Variants in KIF13B observed in about 807,000 individuals in gnomAD.
The protein encoded by KIF13B is kinesin-like protein KIF13B.
Under a neutral mutation model 222.0 loss-of-function variants are expected in KIF13B, and 127 were observed. The ratio of observed to expected loss-of-function variants is 0.57; its 90% confidence interval spans 0.50 to 0.66. The LOEUF is 0.66. Among genes scored for constraint, KIF13B ranks in the 30% least tolerant of loss-of-function variants. KIF13B has a pLI of 0.00. For synonymous variants in KIF13B, 976 were observed against 919.0 expected (o/e 1.06, Z -1.12); for missense variants, 2,173 against 2,379.0 (o/e 0.91, Z 1.80).
At position 29,122,644 on chromosome 8, in the gene KIF13B, G is replaced by T. The variant is rs1370900636; in HGVS notation, c.3482C>A (p.Thr1161Asn). The change falls in exon 29 of 40, where the codon ACC (threonine) becomes AAC (asparagine). Residue 1161 changes from threonine (T) to asparagine (N), a missense_variant and splice_region_variant. Thr to Asn is a moderately conservative substitution (Grantham distance 65). Coordinates refer to ENST00000524189, the MANE Select transcript of KIF13B (RefSeq NM_015254.4). Reference sequence around the variant, plus strand: ...GTGTGTCTCCATCCCAGGTACTGGGGTCCTAAAACGGGAAGAACAAATGGC... The same window carrying T: ...GTGTGTCTCCATCCCAGGTACTGGGTTCCTAAAACGGGAAGAACAAATGGC... ...SGIPGAPAEW[T>N]PVPGMETHIP... 2 of 1,606,066 alleles carry T rather than the reference G, an allele frequency of 1.2e-6. No individual in the cohort carries two copies. Among genetic ancestry groups the T allele is most frequent in the Non-Finnish European group, 8.5e-7 (1 of 1,175,850 alleles).
intron 21 of KIF13B, 135 bp from the exon 22 acceptor site, chr8:29,134,345 T>C (rs1266846030): frequency 2.7e-6 from 2 of 744,832 alleles, no homozygotes; most frequent in Non-Finnish European, 4.5e-6. Context: ...CCATTCACCC[T>C]GAGACTGGAC....
intron 30 of KIF13B, among the ~76,000 whole-genome samples, chr8:29,117,847 A>C (rs534504210): frequency 6.6e-6 from 1 of 152,320 alleles, no homozygotes; most frequent in Non-Finnish European, 1.5e-5. Context: ...CACTGCTTTC[A>C]CCTATTCTTT....
chr8:29,102,006 C>T (rs749278791), intron 35 of KIF13B, among the ~76,000 whole-genome samples: 6 of 151,700 alleles, frequency 4.0e-5, no homozygotes, highest in African/African-American at 1.2e-4. Context: ...CCAGGGACAA[C>T]GCAATGACTA....
chr8:29,248,219 T>C (rs1816122025), intron 1 of KIF13B, among the ~76,000 whole-genome samples: 2 of 152,116 alleles, frequency 1.3e-5, no homozygotes. Flanking sequence ...AACACAAAAC[T>C]TGTACACAAA....
chr8:29,155,813 A>G lies in KIF13B; in HGVS notation c.1448T>C (p.Leu483Pro), dbSNP rs769151121. ...IGSANSQDIQLCGMGILPEHC... is the reference protein window; with the variant it reads ...IGSANSQDIQPCGMGILPEHC... Reference sequence around the variant, plus strand: ...TTCAGGAAGAATTCCCATGCCGCACAGTTGGATATCTTGGGAATTTGCTGA... The same window carrying G: ...TTCAGGAAGAATTCCCATGCCGCACGGTTGGATATCTTGGGAATTTGCTGA... Residue 483 changes from leucine (L) to proline (P), a missense_variant, in exon 14 of 40, where the codon CTG becomes CCG. Transcript: ENST00000524189. 1 of 1,590,736 alleles carries G rather than the reference A, an allele frequency of 6.3e-7. No homozygotes were observed. The highest frequency in any genetic ancestry group is 8.6e-7 in the Non-Finnish European group (1 of 1,167,104).
chr8:29,161,791 A>G (rs183823722), intron 12 of KIF13B, among the ~76,000 whole-genome samples: 3 of 150,764 alleles, frequency 2.0e-5, no homozygotes, highest in Non-Finnish European at 4.4e-5. Context: ...TCTTTTTTCT[A>G]TCTGGAGCAG....
chr8:29,133,449 C>T (rs891711809), intron 22 of KIF13B, among the ~76,000 whole-genome samples: 36 of 151,930 alleles, frequency 2.4e-4, no homozygotes, highest in Admixed American at 2.0e-3. Context: ...AAATTAGCTG[C>T]GCATGGTGGC....
rs1168678416 is a variant in KIF13B, at chr8:29,075,267, C to T, written c.4521+14G>A. 2 of 1,552,970 alleles carry T rather than the reference C, an allele frequency of 1.3e-6. No individual in the cohort carries two copies. The highest frequency in any genetic ancestry group is 1.7e-6 in the Non-Finnish European group (2 of 1,147,794). Reference sequence around the variant, plus strand: ...CTGTAGGTGGGGTGGCCACCCGTGACCCAACAGACTCACCTCCTCCATCCT... The same window carrying T: ...CTGTAGGTGGGGTGGCCACCCGTGATCCAACAGACTCACCTCCTCCATCCT... On this transcript the variant is annotated intron_variant, in intron 38 of 39. Transcript: ENST00000524189.
chr8:29,196,315 A>T, intron 2 of KIF13B, 116 bp from the exon 3 acceptor site: 1 of 844,706 alleles, frequency 1.2e-6, no homozygotes, highest in Non-Finnish European at 1.9e-6. Flanking sequence ...ATGTAAATTC[A>T]CAGTAAGAAT....
At chr8:29,149,365 G>A (rs1811200137) in intron 15 of KIF13B, among the ~76,000 whole-genome samples, 3 of 152,168 alleles carry the variant, frequency 2.0e-5, no homozygotes, top group African/African-American at 4.8e-5. Flanking sequence ...CATGGCAAAG[G>A]ATCTCTGTTA....
intron 2 of KIF13B, among the ~76,000 whole-genome samples, chr8:29,221,189 A>AC (rs1814732026): frequency 7.1e-6 from 1 of 141,100 alleles, no homozygotes; most frequent in Non-Finnish European, 1.5e-5. Flanking sequence ...TGCAACCTCC[A>AC]CCCCCCAGGT....
chr8:29,113,465 C>G lies in KIF13B; in HGVS notation c.3928G>C (p.Glu1310Gln), dbSNP rs556198096. The G allele has an allele frequency of 2.4e-4, 377 of 1,556,112 alleles. 4 individuals are homozygous for G. The South Asian group carries it at 4.1e-3, about 17-fold the overall frequency. Residue 1310 changes from glutamate (E) to glutamine (Q), a missense_variant and splice_region_variant, in exon 32 of 40, where the codon GAG (glutamate) becomes CAG (glutamine). By Grantham distance (29) the Glu-to-Gln change is conservative. Coordinates refer to ENST00000524189, the MANE Select transcript of KIF13B (RefSeq NM_015254.4). ...AATTTAAATTGTATATCCTTCACCT[C>G]TGGAATATTGGAGACAATTTCAAAA... ...VTFEIVSNIP[E>Q]DAQGVEEREA...
intron 2 of KIF13B, among the ~76,000 whole-genome samples, chr8:29,200,706 C>T (rs1404651608): frequency 6.6e-6 from 1 of 152,130 alleles, no homozygotes; most frequent in African/African-American, 2.4e-5. Flanking sequence ...GGTCCAAGAC[C>T]TTGTGTTACA....
At chr8:29,127,507 CAT>C (rs1280133836) in intron 24 of KIF13B, among the ~76,000 whole-genome samples, 1 of 152,014 alleles carries the variant, frequency 6.6e-6, no homozygotes, top group Admixed American at 6.6e-5. Context: ...TAAGAAGTAA[CAT>C]TAAAAAATTC....
intron 12 of KIF13B, among the ~76,000 whole-genome samples, chr8:29,163,859 AAATGTTTACTGTTG>A (rs1408853364): frequency 2.0e-5 from 3 of 152,240 alleles, no homozygotes; most frequent in Non-Finnish European, 4.4e-5. Context: ...TCATGACAAC[AAATGTTTACTGTTG>A]GAGCAGCTCA....
At chr8:29,129,372 T>C (rs776625790) in intron 24 of KIF13B, among the ~76,000 whole-genome samples, 1 of 152,228 alleles carries the variant, frequency 6.6e-6, no homozygotes, top group Non-Finnish European at 1.5e-5. Flanking sequence ...TTCTATTTTA[T>C]GTGTACAACA....
intron 21 of KIF13B, among the ~76,000 whole-genome samples, chr8:29,136,192 C>T (rs1422268003): frequency 6.6e-6 from 1 of 152,178 alleles, no homozygotes; most frequent in Non-Finnish European, 1.5e-5. Context: ...ATCATTTTCT[C>T]ATTAAGTGTT....
At chr8:29,229,186 C>A (rs1432353558) in intron 2 of KIF13B, among the ~76,000 whole-genome samples, 1 of 150,218 alleles carries the variant, frequency 6.7e-6, no homozygotes, top group Non-Finnish European at 1.5e-5. Flanking sequence ...TCAATAACTG[C>A]TGAATGTCTT....
intron 26 of KIF13B, among the ~76,000 whole-genome samples, chr8:29,124,805 C>T (rs1233371019): frequency 6.6e-6 from 1 of 151,878 alleles, no homozygotes; most frequent in Non-Finnish European, 1.5e-5. Flanking sequence ...ATCGCTTGAA[C>T]CCGGGAGGCA....
Sources: gnomAD v4.1 joint callset for allele counts (sites outside exome capture counted in the v4.1 genomes callset) on GRCh38, gnomAD v4.1.1 for gene constraint, MANE v1.5 for transcripts, NCBI Gene and HGNC (gene_info 2026-07-23, HGNC 2026-07-21) for gene names.